The following PHACTR2 variants were observed in gnomAD, a reference collection of about 807,000 sequenced individuals.
PHACTR2 encodes the protein chromosome 6 open reading frame 56.
In PHACTR2, 30 loss-of-function variants were observed where a neutral mutation model predicts 76.0. The observed-to-expected ratio is 0.39, with a 90% CI of 0.30 to 0.54. The LOEUF (loss-of-function observed/expected upper bound fraction) is 0.54. Ranked by LOEUF, PHACTR2 falls within the 20% of genes least tolerant of loss-of-function variation. The pLI is 0.61. For missense variants in PHACTR2, 696 were observed against 781.1 expected (o/e 0.89, Z 1.30); for synonymous variants, 292 against 292.5 (o/e 1.00, Z 0.02).
In PHACTR2 at chr6:143,742,049, G is replaced by C. The variant is rs990649644; in HGVS notation, c.215-6936G>C. On this transcript the variant is annotated intron_variant, in intron 2 of 12. Coordinates refer to ENST00000440869, the MANE Select transcript of PHACTR2 (RefSeq NM_001100164.2). The surrounding 1 kb of genome is among the most constrained non-coding windows in gnomAD (Gnocchi z 4.5). The stretch of plus-strand genomic sequence containing the variant: ...GAACGCGGGAGGTGGAGGTTGCAGT[G>C]AGCTGGGATCGCGCCACTGCACTGC... Among the ~76,000 whole-genome samples, 3 of 151,896 alleles carry C rather than the reference G, an allele frequency of 2.0e-5. No homozygotes were observed. The highest frequency in any genetic ancestry group is 2.9e-5 in the Non-Finnish European group (2 of 67,992).
chr6:143,722,421 T>G lies in PHACTR2; in HGVS notation c.214+10238T>G, dbSNP rs1054632587. On this transcript the variant is annotated intron_variant, in intron 2 of 12. Coordinates refer to ENST00000440869, the MANE Select transcript of PHACTR2 (RefSeq NM_001100164.2). This position sits in a 1 kb window ranked among gnomAD's most constrained non-coding sequence, Gnocchi z 4.1. ...TCTTGAATTCAACTTTAAGATTCTC[T>G]TCAATAGGCCAATTTGGTGAGCATC... 6.6e-5 allele frequency among the ~76,000 whole-genome samples: 10 copies of G among 152,172 alleles called. No individual in the cohort carries two copies. Among genetic ancestry groups the G allele is most frequent in the African/African-American group, 2.4e-4 (10 of 41,462 alleles).
chr6:143,706,930 A>C (rs1481016657), intron 1 of PHACTR2, among the ~76,000 whole-genome samples: 1 of 152,202 alleles, frequency 6.6e-6, no homozygotes, highest in Non-Finnish European at 1.5e-5. Flanking sequence ...GATGTTGTAC[A>C]TCCGCCCTTG....
chr6:143,718,536 A>G (rs951249020), intron 2 of PHACTR2, among the ~76,000 whole-genome samples: 1 of 152,186 alleles, frequency 6.6e-6, no homozygotes, highest in Non-Finnish European at 1.5e-5. Context: ...GCTCTAATAT[A>G]TGGTTTTGCC....
chr6:143,797,879 G>C (rs539045557), intron 11 of PHACTR2, among the ~76,000 whole-genome samples: 1 of 152,128 alleles, frequency 6.6e-6, no homozygotes, highest in Non-Finnish European at 1.5e-5. Flanking sequence ...TTGGATATGC[G>C]AGCTCTTTTT....
Position 143,585,006 on chromosome 6 carries a change from CTTGGCTG to C in PHACTR2, c.217+47801_217+47807del, listed in dbSNP as rs1775612050. Among the ~76,000 whole-genome samples, 2 of 149,392 alleles carry C rather than the reference CTTGGCTG, an allele frequency of 1.3e-5. No homozygotes were observed. The highest frequency in any genetic ancestry group is 1.3e-4 in the Admixed American group (2 of 15,036). On this transcript the variant is annotated intron_variant, in intron 1 of 11. Coordinates refer to the PHACTR2 transcript ENST00000367584. This position sits in a 1 kb window ranked among gnomAD's most constrained non-coding sequence, Gnocchi z 5.2. ...AAAAAAAAAAAAAAAAAGCTATAGG[CTTGGCTG>C]TCATACCTTCTATAGGCTTGGCTGT...
rs573680899 is a variant in PHACTR2, at chr6:143,822,610, C to G, written c.1923-1064C>G. On this transcript the variant is annotated intron_variant, in intron 12 of 12. Coordinates refer to ENST00000440869, the MANE Select transcript of PHACTR2 (RefSeq NM_001100164.2). The surrounding 1 kb of genome is among the most constrained non-coding windows in gnomAD (Gnocchi z 5.5). The stretch of plus-strand genomic sequence containing the variant: ...AGGAGCATAGATTTGATGGAGAGAG[C>G]CTGGGACAGGGAAACCAATTAGGAG... 2.6e-5 allele frequency among the ~76,000 whole-genome samples: 4 copies of G among 152,224 alleles called. No homozygotes were observed. Among genetic ancestry groups the G allele is most frequent in the East Asian group, 1.9e-4 (1 of 5,178 alleles).
At position 143,806,901 on chromosome 6, in the gene PHACTR2, G is replaced by A. The variant is rs1325691208; in HGVS notation, c.1846-156G>A. The stretch of plus-strand genomic sequence containing the variant: ...GAGCCCAGGAGTTTGAGGCTGCAAT[G>A]AGCCATGATCTCGCCACTCCACTCC... On this transcript the variant is annotated intron_variant, in intron 11 of 12. Coordinates refer to ENST00000440869, the MANE Select transcript of PHACTR2 (RefSeq NM_001100164.2). This position sits in a 1 kb window ranked among gnomAD's most constrained non-coding sequence, Gnocchi z 5.8. 1.3e-5 allele frequency among the ~76,000 whole-genome samples: 2 copies of A among 151,448 alleles called. No individual in the cohort carries two copies. The highest frequency in any genetic ancestry group is 6.6e-5 in the Admixed American group (1 of 15,180).
rs1470337815 is a variant in PHACTR2, at chr6:143,760,049, A to G, written c.455-352A>G. 2.6e-5 allele frequency among the ~76,000 whole-genome samples: 4 copies of G among 152,152 alleles called. No individual in the cohort carries two copies. Among genetic ancestry groups the G allele is most frequent in the South Asian group, 2.1e-4 (1 of 4,828 alleles). On this transcript the variant is annotated intron_variant, in intron 4 of 12. Coordinates refer to ENST00000440869, the MANE Select transcript of PHACTR2 (RefSeq NM_001100164.2). The surrounding 1 kb of genome is among the most constrained non-coding windows in gnomAD (Gnocchi z 6.4). The stretch of plus-strand genomic sequence containing the variant: ...ACTTTGTTAAATCATTGTTTGTTCA[A>G]TTTAAATGTAGCACTTCATGCCCAC...
intron 2 of PHACTR2, 153 bp downstream of exon 2, chr6:143,712,336 C>G (rs1778196226): frequency 2.3e-6 from 1 of 434,986 alleles, no homozygotes; most frequent in Non-Finnish European, 3.8e-6. Flanking sequence ...AAGGATGAAA[C>G]AACTTAAGAG....
rs1382439678 is a variant in PHACTR2, at chr6:143,803,578, A to G, written c.1846-3479A>G. The stretch of plus-strand genomic sequence containing the variant: ...AATAAAAATAAATAAATGAATATAA[A>G]AACTGTTCTTGGAGTTGTTTCTAAA... On this transcript the variant is annotated intron_variant, in intron 11 of 12. Coordinates refer to ENST00000440869, the MANE Select transcript of PHACTR2 (RefSeq NM_001100164.2). This position sits in a 1 kb window ranked among gnomAD's most constrained non-coding sequence, Gnocchi z 4.7. Among the ~76,000 whole-genome samples the G allele has an allele frequency of 6.6e-6, 1 of 152,154 alleles. No individual in the cohort carries two copies. The highest frequency in any genetic ancestry group is 1.5e-5 in the Non-Finnish European group (1 of 68,024).
intron 1 of PHACTR2, among the ~76,000 whole-genome samples, chr6:143,579,498 T>C (rs34199303): frequency 0.3 from 44,906 of 151,488 alleles, 6,736 homozygotes; most frequent in Middle Eastern, 0.42. Context: ...ATGTGTGTAG[T>C]TTTTAAGTAG....
In PHACTR2 at chr6:143,539,499, AG is replaced by A. The variant is rs1226141357; in HGVS notation, c.217+2294del. On this transcript the variant is annotated intron_variant, in intron 1 of 11. Coordinates refer to the PHACTR2 transcript ENST00000367584. The surrounding 1 kb of genome is among the most constrained non-coding windows in gnomAD (Gnocchi z 4.3). ...CCTCTGCAGCCTCTGTAAGCCATGC[AG>A]GATGGATCTGAGAATCAGCAAGATG... 3.9e-5 allele frequency among the ~76,000 whole-genome samples: 6 copies of A among 152,236 alleles called. No individual in the cohort carries two copies. Among genetic ancestry groups the A allele is most frequent in the Non-Finnish European group, 5.9e-5 (4 of 68,040 alleles).
rs570709323 is a variant in PHACTR2, at chr6:143,639,525, T to G, written c.13+31203T>G. Among the ~76,000 whole-genome samples the G allele has an allele frequency of 1.3e-5, 2 of 152,318 alleles. No homozygotes were observed. The highest frequency in any genetic ancestry group is 1.3e-4 in the Admixed American group (2 of 15,292). On this transcript the variant is annotated intron_variant, in intron 1 of 11. Transcript: ENST00000305766. This position sits in a 1 kb window ranked among gnomAD's most constrained non-coding sequence, Gnocchi z 5.0. ...TTTTACTTTTGGCATCTAGATGACA[T>G]TTGGCCCATTCAAAAAGAATTAATT...
chr6:143,607,938 T>C (rs569029790), upstream of PHACTR2, among the ~76,000 whole-genome samples: 6 of 152,236 alleles, frequency 3.9e-5, no homozygotes, highest in South Asian at 1.2e-3. Flanking sequence ...CTGTTTGCCC[T>C]GGCATCTTTT....
chr6:143,797,544 A>G (rs1425220452), intron 11 of PHACTR2, among the ~76,000 whole-genome samples: 1 of 152,152 alleles, frequency 6.6e-6, no homozygotes, highest in African/African-American at 2.4e-5. Context: ...TTATGGTCCT[A>G]GGTCTTACAT....
In PHACTR2 at chr6:143,803,212, G is replaced by A. The variant is rs1022478864; in HGVS notation, c.1846-3845G>A. On this transcript the variant is annotated intron_variant, in intron 11 of 12. Coordinates refer to ENST00000440869, the MANE Select transcript of PHACTR2 (RefSeq NM_001100164.2). The surrounding 1 kb of genome is among the most constrained non-coding windows in gnomAD (Gnocchi z 4.7). ...TGCTGATTTAATTTTACATAAACAC[G>A]CTCTTTGAGGCTGAAGCAAATCTGA... 1.6e-4 allele frequency among the ~76,000 whole-genome samples: 25 copies of A among 152,168 alleles called. No individual in the cohort carries two copies. Among genetic ancestry groups the A allele is most frequent in the Admixed American group, 3.3e-4 (5 of 15,284 alleles).
upstream of PHACTR2, among the ~76,000 whole-genome samples, chr6:143,673,626 A>C (rs1777193208): frequency 6.6e-6 from 1 of 152,126 alleles, no homozygotes; most frequent in African/African-American, 2.4e-5. Context: ...ACTATGGATG[A>C]GTACTTTGTT....
intron 1 of PHACTR2, chr6:143,555,302 A>C (rs1013686024): frequency 2.6e-5 from 4 of 152,168 alleles, no homozygotes; most frequent in African/African-American, 9.7e-5. Context: ...GAAATTCAGG[A>C]TATTTTCTTG....
At chr6:143,732,994 A>G (rs1001059813) in intron 2 of PHACTR2, among the ~76,000 whole-genome samples, 1 of 152,094 alleles carries the variant, frequency 6.6e-6, no homozygotes, top group African/African-American at 2.4e-5. Context: ...GCTCAAAGCA[A>G]TCCTCCTGCC....
Sources: gnomAD v4.1 joint callset for allele counts (sites outside exome capture counted in the v4.1 genomes callset) on GRCh38, gnomAD v4.1.1 for gene constraint, Gnocchi (gnomAD v3.1) non-coding constraint, MANE v1.5 for transcripts, NCBI Gene and HGNC (gene_info 2026-07-23, HGNC 2026-07-21) for gene names.